Variants in STXBP5L observed in about 807,000 individuals in gnomAD.
STXBP5L encodes the protein syntaxin-binding protein 5-like.
STXBP5L carries 65 observed loss-of-function variants against 144.5 expected under a neutral mutation model. The ratio of observed to expected loss-of-function variants is 0.45; its 90% CI spans 0.37 to 0.55. The LOEUF (loss-of-function observed/expected upper bound fraction) is 0.55. Ranked by LOEUF, STXBP5L falls within the 20% of genes least tolerant of loss-of-function variation. The pLI, the probability that STXBP5L is intolerant of heterozygous loss-of-function variation, is 0.00. For missense variants in STXBP5L, 1,298 were observed against 1,405.5 expected (o/e 0.92, Z 1.22); for synonymous variants, 505 against 469.6 (o/e 1.08, Z -0.97).
intron 5 of STXBP5L, chr3:121,099,253 T>G (rs1394226460): frequency 2.6e-5 from 4 of 152,184 alleles, no homozygotes; most frequent in African/African-American, 9.7e-5. Context: ...ATGATATGAC[T>G]ATGGAGTTCA....
rs186678022 is a variant in STXBP5L at position 120,959,600 on chromosome 3, C to T, written c.287+4563C>T. ...CAGAGGCCTCAGAAATAATGCCACA[C>T]ATCTACAACCATCTGATCTTTGACA... On this transcript the variant is annotated intron_variant, in intron 3 of 26. Transcript: ENST00000471454. Among the ~76,000 whole-genome samples the T allele has an allele frequency of 4.6e-3, 700 of 152,128 alleles. 10 individuals carry two copies. Among genetic ancestry groups the T allele is most frequent in the African/African-American group, 0.016 (650 of 41,524 alleles).
chr3:120,970,633 T>C (rs1438253665), intron 3 of STXBP5L, among the ~76,000 whole-genome samples: 3 of 152,148 alleles, frequency 2.0e-5, no homozygotes, highest in Non-Finnish European at 4.4e-5. Flanking sequence ...ATGATATGCC[T>C]TAGAGATTTC....
chr3:120,923,139 T>C (rs141136679), intron 2 of STXBP5L, among the ~76,000 whole-genome samples: 2 of 152,160 alleles, frequency 1.3e-5, no homozygotes, highest in African/African-American at 2.4e-5. Flanking sequence ...TGCATACAGT[T>C]GTTCACAATA....
intron 3 of STXBP5L, among the ~76,000 whole-genome samples, chr3:121,038,055 C>T (rs548990509): frequency 1.3e-4 from 20 of 151,882 alleles, no homozygotes; most frequent in South Asian, 6.2e-4. Flanking sequence ...ATCACTCTGG[C>T]GGAAGGTTTA....
chr3:121,217,302 C>T (rs368774698), intron 10 of STXBP5L, among the ~76,000 whole-genome samples: 2 of 152,112 alleles, frequency 1.3e-5, no homozygotes, highest in Non-Finnish European at 1.5e-5. Flanking sequence ...AACCCAGGGC[C>T]CTGATGACGT....
At chr3:121,390,894 G>C (rs1327386359) in intron 22 of STXBP5L, among the ~76,000 whole-genome samples, 1 of 151,734 alleles carries the variant, frequency 6.6e-6, no homozygotes, top group East Asian at 1.9e-4. Flanking sequence ...GTATCTTTTT[G>C]GTCTTCTCGT....
chr3:120,992,275 G>A (rs1018060641), intron 3 of STXBP5L, among the ~76,000 whole-genome samples: 2 of 152,044 alleles, frequency 1.3e-5, no homozygotes, highest in African/African-American at 2.4e-5. Flanking sequence ...ATTACCTCAA[G>A]TGTTTATTAT....
chr3:120,973,960 G>C (rs1370294952), intron 3 of STXBP5L, among the ~76,000 whole-genome samples: 1 of 152,132 alleles, frequency 6.6e-6, no homozygotes, highest in African/African-American at 2.4e-5. Context: ...ATTTGGGTTG[G>C]TTCCAAGTCT....
At chr3:121,355,679 CT>C (rs1366339011) in intron 20 of STXBP5L, among the ~76,000 whole-genome samples, 1 of 152,144 alleles carries the variant, frequency 6.6e-6, no homozygotes, top group Non-Finnish European at 1.5e-5. Flanking sequence ...CTTCTGAAGC[CT>C]ACTTCTGTCA....
At position 121,057,318 on chromosome 3, in the gene STXBP5L, CTT is replaced by C. The variant is rs753443132; in HGVS notation, c.470+11785_470+11786del. Among the ~76,000 whole-genome samples, 91 of 151,942 alleles carry C rather than the reference CTT, an allele frequency of 6.0e-4. 3 individuals are homozygous for C. The highest frequency in any genetic ancestry group is 3.3e-4 in the Admixed American group (5 of 15,242). On this transcript the variant is annotated intron_variant, in intron 5 of 26. Coordinates refer to ENST00000471454, the MANE Select transcript of STXBP5L (RefSeq NM_001308330.2). The stretch of plus-strand genomic sequence containing the variant: ...CTATAGTATATTCTAAAGGATCACT[CTT>C]TATATAGACTTTCCCTATTTCTTTG...
At chr3:121,051,343 T>A (rs865814138) in intron 5 of STXBP5L, among the ~76,000 whole-genome samples, 2,175 of 151,814 alleles carry the variant, frequency 0.014, 25 homozygotes, top group Non-Finnish European at 0.022. Flanking sequence ...GAAGTAAAGC[T>A]CTCCTCAGCA....
intron 3 of STXBP5L, among the ~76,000 whole-genome samples, chr3:120,976,709 G>T (rs1941071123): frequency 6.6e-6 from 1 of 152,212 alleles, no homozygotes; most frequent in Non-Finnish European, 1.5e-5. Context: ...TCTACACACT[G>T]CTTTGAATGT....
chr3:121,094,573 T>A (rs2043012078), intron 5 of STXBP5L, among the ~76,000 whole-genome samples: 2 of 152,106 alleles, frequency 1.3e-5, no homozygotes, highest in Admixed American at 6.6e-5. Flanking sequence ...AAGTCTGTTT[T>A]ATCAGAGACT....
intron 2 of STXBP5L, among the ~76,000 whole-genome samples, chr3:120,941,117 G>T (rs1402779657): frequency 6.6e-6 from 1 of 151,426 alleles, no homozygotes. Context: ...ATGAGTTTTG[G>T]GGTAAGATTA....
intron 22 of STXBP5L, among the ~76,000 whole-genome samples, chr3:121,406,423 G>A (rs1031029786): frequency 6.6e-6 from 1 of 152,004 alleles, no homozygotes; most frequent in African/African-American, 2.4e-5. Flanking sequence ...TGATGTAAAA[G>A]GACAAAGGAA....
intron 9 of STXBP5L, among the ~76,000 whole-genome samples, chr3:121,193,507 A>G (rs1407345484): frequency 6.6e-6 from 1 of 152,160 alleles, no homozygotes; most frequent in Non-Finnish European, 1.5e-5. Flanking sequence ...ATGCTAATAT[A>G]AAGAAACATG....
intron 3 of STXBP5L, among the ~76,000 whole-genome samples, chr3:120,974,628 C>G (rs1353907833): frequency 6.6e-6 from 1 of 152,132 alleles, no homozygotes. Context: ...ATGCCTATGT[C>G]CTGAATGTTA....
rs543244691 is a variant in STXBP5L, at chr3:121,055,977, G to A, written c.470+10442G>A. On this transcript the variant is annotated intron_variant, in intron 5 of 26. Transcript: ENST00000471454. ...CAAAGTGCTGGGATTAGAGGCATGA[G>A]CCACTGTGCTTGGCCTGGGGTCTCA... Among the ~76,000 whole-genome samples, 421 of 151,820 alleles carry A rather than the reference G, an allele frequency of 2.8e-3. 5 individuals carry two copies. The highest frequency in any genetic ancestry group is 9.8e-3 in the African/African-American group (404 of 41,408).
intron 5 of STXBP5L, among the ~76,000 whole-genome samples, chr3:121,091,064 T>C (rs182354581): frequency 6.6e-6 from 1 of 151,056 alleles, no homozygotes; most frequent in East Asian, 2.0e-4. Flanking sequence ...TTACTGAGAA[T>C]GATGCTTTCC....
Sources: allele counts gnomAD v4.1 joint callset (sites outside exome capture counted in the v4.1 genomes callset), GRCh38; gene constraint gnomAD v4.1.1; transcripts MANE v1.5; gene names NCBI Gene and HGNC (gene_info 2026-07-23, HGNC 2026-07-21).